Variants in TSNAXIP1 observed in about 807,000 individuals in gnomAD.
The protein encoded by TSNAXIP1 is translin-associated factor X-interacting protein 1.
TSNAXIP1 carries 89 observed loss-of-function variants against 84.8 expected under a neutral mutation model. That is an observed-to-expected ratio of 1.05 (90% CI 0.88 to 1.25). TSNAXIP1 has a LOEUF of 1.25. Ranked by LOEUF, TSNAXIP1 falls within the 50% of genes most tolerant of loss-of-function variation. TSNAXIP1 has a pLI of 0.00. For synonymous variants in TSNAXIP1, 347 were observed against 335.2 expected, an observed-to-expected ratio of 1.04 and a Z score of -0.39; for missense variants, 874 against 887.6, an observed-to-expected ratio of 0.98 and a Z score of 0.20.
In TSNAXIP1 at chr16:67,826,302, T is replaced by C; in HGVS notation, c.1275+20T>C. 1 of 1,576,494 alleles carries C rather than the reference T, an allele frequency of 6.3e-7. No individual in the cohort carries two copies. Among genetic ancestry groups the C allele is most frequent in the Non-Finnish European group, 8.6e-7 (1 of 1,159,426 alleles). On this transcript the variant is annotated intron_variant, in intron 10 of 15. Coordinates refer to ENST00000561639, the MANE Select transcript of TSNAXIP1 (RefSeq NM_001288990.3). ...GGTCTGGTAGGGGAGGCCCCAGGAG[T>C]GGGGCTTGGGCCAGAGTCAGAACAG...
chr16:67,814,948 A>T (rs2056418623), intron 2 of TSNAXIP1, among the ~76,000 whole-genome samples: 1 of 152,142 alleles, frequency 6.6e-6, no homozygotes. Context: ...TCTCTCCGCC[A>T]TTCCTCTTTT....
chr16:67,824,197 C>G (rs1300269092), intron 5 of TSNAXIP1, among the ~76,000 whole-genome samples: 10 of 152,006 alleles, frequency 6.6e-5, no homozygotes. Context: ...ATAGGGCACC[C>G]CAGAGCACCT....
chr16:67,807,096 C>T lies in TSNAXIP1; in HGVS notation c.-54C>T, dbSNP rs901435304. The stretch of plus-strand genomic sequence containing the variant: ...CTGGTCGCCATGGCGACCGGCTGTA[C>T]GCTACCACAGCTTCCCAGGCCGCGG... On this transcript the variant is annotated 5_prime_UTR_variant, in exon 1 of 16. In the 5' UTR this introduces an upstream ATG that the reference lacks. Transcript: ENST00000561639. 3.4e-5 allele frequency: 52 copies of T among 1,528,586 alleles called. No individual in the cohort carries two copies. The highest frequency in any genetic ancestry group is 4.4e-5 in the Non-Finnish European group (50 of 1,142,788). The allele number at this position is 1,528,586 out of a possible 1,614,324, so 94.7% of individuals were successfully genotyped here.
At chr16:67,818,558 G>A (rs2056776495) in intron 2 of TSNAXIP1, among the ~76,000 whole-genome samples, 2 of 151,790 alleles carry the variant, frequency 1.3e-5, no homozygotes, top group African/African-American at 2.4e-5. Context: ...GTCTTCCAGG[G>A]TTATTTTGTG....
intron 5 of TSNAXIP1, among the ~76,000 whole-genome samples, chr16:67,824,354 G>T (rs777115660): frequency 1.3e-5 from 2 of 152,194 alleles, no homozygotes; most frequent in Non-Finnish European, 2.9e-5. Flanking sequence ...CAGGACTTAA[G>T]GCTGTAGGGG....
At position 67,826,470 on chromosome 16, in the gene TSNAXIP1, T is replaced by G. The variant is rs1465761748; in HGVS notation, c.1309T>G (p.Phe437Val). The G allele has an allele frequency of 6.2e-7, 1 of 1,613,926 alleles. No homozygotes were observed. The highest frequency in any genetic ancestry group is 8.5e-7 in the Non-Finnish European group (1 of 1,180,020). ...GGAAGCCATCCCTGCTTTTCTTCGG[T>G]TTGATGGCCTCGTGGAGAACAAGAA... ...YGEAIPAFLR[F>V]DGLVENKKPS... The change falls in exon 11 of 16, where the codon TTT becomes GTT. Residue 437 changes from phenylalanine to valine, a missense_variant. By Grantham distance (50) the Phe-to-Val change is conservative. Coordinates refer to ENST00000561639, the MANE Select transcript of TSNAXIP1 (RefSeq NM_001288990.3).
chr16:67,814,462 T>C, intron 2 of TSNAXIP1, 61 bp downstream of exon 2: 1 of 1,376,128 alleles, frequency 7.3e-7, no homozygotes, highest in Non-Finnish European at 1.0e-6. Flanking sequence ...TCCGTCTCCC[T>C]TCCTGCAACC....
intron 1 of TSNAXIP1, 54 bp downstream of exon 1, chr16:67,807,250 G>C: frequency 2.6e-6 from 4 of 1,535,854 alleles, no homozygotes; most frequent in Non-Finnish European, 3.5e-6. Context: ...CTTCTAGAGA[G>C]GGAAATGGCA....
Position 67,814,410 on chromosome 16 carries a change from C to G in TSNAXIP1, c.147+9C>G. 6.5e-7 allele frequency: 1 copy of G among 1,534,816 alleles called. No individual in the cohort carries two copies. The stretch of plus-strand genomic sequence containing the variant: ...AGAAACGAAGGACGCTGGTTAGTGA[C>G]AATGTTGTTTTGGAACCCCAAATGT... On this transcript the variant is annotated intron_variant, in intron 2 of 15. Coordinates refer to ENST00000561639, the MANE Select transcript of TSNAXIP1 (RefSeq NM_001288990.3).
chr16:67,808,662 A>G (rs1363510008), intron 1 of TSNAXIP1, among the ~76,000 whole-genome samples: 1 of 151,416 alleles, frequency 6.6e-6, no homozygotes, highest in East Asian at 1.9e-4. Context: ...CGCTTGAACC[A>G]GGGAGGCAGA....
chr16:67,823,934 G>A (rs1464910159), intron 5 of TSNAXIP1, among the ~76,000 whole-genome samples: 2 of 144,262 alleles, frequency 1.4e-5, no homozygotes, highest in African/African-American at 5.2e-5. Flanking sequence ...CAGGAGAATT[G>A]CTTGAACCTA....
At chr16:67,808,135 T>G (rs773584705) in intron 1 of TSNAXIP1, among the ~76,000 whole-genome samples, 3 of 151,826 alleles carry the variant, frequency 2.0e-5, no homozygotes, top group Non-Finnish European at 4.4e-5. Context: ...TTGACACAGC[T>G]CTTGTATGTA....
chr16:67,819,880 G>A (rs1258682040), intron 2 of TSNAXIP1, among the ~76,000 whole-genome samples: 2 of 146,562 alleles, frequency 1.4e-5, no homozygotes. Flanking sequence ...GTGCAGTGGC[G>A]CAATCTTGGC....
rs3833058 is a variant in TSNAXIP1 at position 67,807,053 on chromosome 16, C to CGGG, written c.-92_-90dup. On this transcript the variant is annotated 5_prime_UTR_variant, in exon 1 of 16. Transcript: ENST00000561639. ...CGCATCCCTGACTCCGCCCCCGCCGCGGGGGGGCCTCTGGGGCCTGGTCGC... is the reference window on the plus strand; with the variant it reads ...CGCATCCCTGACTCCGCCCCCGCCGCGGGGGGGGGGCCTCTGGGGCCTGGTCGC... 5.4e-6 allele frequency: 8 copies of CGGG among 1,487,084 alleles called. No individual in the cohort carries two copies. The East Asian group carries it at 1.7e-4, about 32-fold the overall frequency. 92.1% of individuals were successfully genotyped at this position (1,487,084 alleles called of 1,614,324 possible). A position where few individuals can be genotyped will look rare whatever the true frequency, so the allele number is the denominator to read the frequency against.
At chr16:67,812,620 C>T (rs1014452725) in intron 1 of TSNAXIP1, among the ~76,000 whole-genome samples, 1 of 149,754 alleles carries the variant, frequency 6.7e-6, no homozygotes, top group Non-Finnish European at 1.5e-5. Flanking sequence ...GAGCCGAGAT[C>T]ATGCCATTGC....
At chr16:67,807,998 C>T (rs1312134398) in intron 1 of TSNAXIP1, among the ~76,000 whole-genome samples, 1 of 152,148 alleles carries the variant, frequency 6.6e-6, no homozygotes, top group Non-Finnish European at 1.5e-5. Context: ...AAATCGTTTT[C>T]TAGTTTTGGG....
chr16:67,812,713 C>G (rs1334944021), intron 1 of TSNAXIP1, among the ~76,000 whole-genome samples: 1 of 151,716 alleles, frequency 6.6e-6, no homozygotes, highest in African/African-American at 2.4e-5. Context: ...CGCCTGTAAT[C>G]CCAGCACTTT....
chr16:67,826,392 G>A, intron 10 of TSNAXIP1, 45 bp from the exon 11 acceptor site: 1 of 1,609,840 alleles, frequency 6.2e-7, no homozygotes, highest in Non-Finnish European at 8.5e-7. Flanking sequence ...ATTGGGGGTG[G>A]GGCCACAGAT....
Position 67,807,205 on chromosome 16 carries a change from T to G in TSNAXIP1, c.47+9T>G. The G allele has an allele frequency of 5.9e-6, 9 of 1,535,942 alleles. No homozygotes were observed. Among genetic ancestry groups the G allele is most frequent in the Non-Finnish European group, 7.8e-6 (9 of 1,146,866 alleles). On this transcript the variant is annotated intron_variant, in intron 1 of 15. Transcript: ENST00000561639. ...TTCTCGTCCGCGTCGAGGTAGGCGC[T>G]GGCAGGGATGAGGGCAGAGATGAGG... is the stretch of plus-strand genomic sequence containing the variant.
Sources: gnomAD v4.1 joint callset for allele counts (sites outside exome capture counted in the v4.1 genomes callset) on GRCh38, gnomAD v4.1.1 for gene constraint, MANE v1.5 for transcripts, NCBI Gene and HGNC (gene_info 2026-07-23, HGNC 2026-07-21) for gene names.